The following METTL3 variants were observed in gnomAD, a reference collection of about 807,000 sequenced individuals.
METTL3 encodes N(6)-adenosine-methyltransferase catalytic subunit METTL3.
Under a neutral mutation model 64.3 loss-of-function variants are expected in METTL3, and 42 were observed. The ratio of observed to expected loss-of-function variants is 0.65; its 90% confidence interval spans 0.51 to 0.84. The LOEUF is 0.84. METTL3 is among the 40% of genes least tolerant of loss of function. The pLI is 0.00. For synonymous variants in METTL3, 256 were observed against 263.6 expected (o/e 0.97, Z 0.28); for missense variants, 435 against 722.3 (o/e 0.60, Z 4.56).
At position 21,511,127 on chromosome 14, in the gene METTL3, A is replaced by G; in HGVS notation, c.97T>C (p.Leu33=). 1 of 1,613,908 alleles carries G rather than the reference A, an allele frequency of 6.2e-7. No homozygotes were observed. The highest frequency in any genetic ancestry group is 1.1e-5 in the South Asian group (1 of 91,058). ...QRRRKQDSGH[L]DLRNPEAALS... The stretch of plus-strand genomic sequence containing the variant: ...CCCCAACAGCCCAGTGCCTCACCCA[A>G]GTGCCCCGAGTCCTGCTTCCGCCTC... The change falls in exon 1 of 11, where the codon TTG becomes CTG. Residue 33 remains leucine (L), a synonymous_variant. Transcript: ENST00000298717.
At chr14:21,507,184 AAAATAAAT>A (rs530857504) in intron 1 of METTL3, among the ~76,000 whole-genome samples, 5 of 152,026 alleles carry the variant, frequency 3.3e-5, no homozygotes, top group Admixed American at 6.6e-5. Flanking sequence ...TCTGTCTCAA[AAAATAAAT>A]AAATAAATAA....
intron 1 of METTL3, among the ~76,000 whole-genome samples, chr14:21,508,574 A>G (rs1260163505): frequency 6.6e-6 from 1 of 152,196 alleles, no homozygotes; most frequent in Non-Finnish European, 1.5e-5. Flanking sequence ...TCATTGAAAG[A>G]GTATGAATTT....
At position 21,500,354 on chromosome 14, in the gene METTL3, ACTCT is replaced by A. The variant is rs1566491130; in HGVS notation, c.1304+137_1304+140del. On this transcript the variant is annotated intron_variant, in intron 6 of 10. Coordinates refer to ENST00000298717, the MANE Select transcript of METTL3 (RefSeq NM_019852.5). ...ACTCCAGCCTAAGCAACACAGTGAG[ACTCT>A]CTCAAAAAAAAAGAAAAAAAGACTA... 5.4e-6 allele frequency: 4 copies of A among 744,578 alleles called. No homozygotes were observed. In the Admixed American group the frequency reaches 1.1e-4, roughly 21 times the overall value. 46.1% of individuals were successfully genotyped at this position (744,578 alleles called of 1,614,324 possible).
intron 1 of METTL3, among the ~76,000 whole-genome samples, chr14:21,505,532 T>C (rs1891676963): frequency 6.6e-6 from 1 of 152,204 alleles, no homozygotes; most frequent in African/African-American, 2.4e-5. Flanking sequence ...AAAATACCTT[T>C]TTTAAGGTTA....
chr14:21,508,474 A>T (rs1433697375), intron 1 of METTL3, among the ~76,000 whole-genome samples: 1 of 152,268 alleles, frequency 6.6e-6, no homozygotes, highest in African/African-American at 2.4e-5. Context: ...AGGTCTGCAT[A>T]CAGCAGAAAG....
In METTL3 at chr14:21,498,230, GGATTCTTA is replaced by G; in HGVS notation, c.*20_*27del. ...GTTTAGCTTACAGAGCCATGGCTAT[GGATTCTTA>G]GCTCTGTAAGGAAGTGCTTCTATAA... On this transcript the variant is annotated 3_prime_UTR_variant, in exon 11 of 11. Coordinates refer to ENST00000298717, the MANE Select transcript of METTL3 (RefSeq NM_019852.5). The G allele has an allele frequency of 7.7e-7, 1 of 1,294,178 alleles. No individual in the cohort carries two copies. Among genetic ancestry groups the G allele is most frequent in the Non-Finnish European group, 1.1e-6 (1 of 888,500 alleles). The allele number at this position is 1,294,178 out of a possible 1,614,324, so 80.2% of individuals were successfully genotyped here.
At chr14:21,508,031 G>A (rs923007539) in intron 1 of METTL3, 2 of 152,154 alleles carry the variant, frequency 1.3e-5, no homozygotes, top group Non-Finnish European at 2.9e-5. Flanking sequence ...AGGGTGGGAG[G>A]ATAGCTTGAG....
chr14:21,501,847 A>G lies in METTL3; in HGVS notation c.780T>C (p.Ile260=), dbSNP rs755842891. The part of the protein sequence containing the change: ...LNTTTAKEQS[I]VEKFRSRGRA... The stretch of plus-strand genomic sequence containing the variant: ...GACCTCGAGAGCGAAATTTTTCAAC[A>G]ATGGATTGTTCCTTGGCTGTTGTAG... The change falls in exon 4 of 11, where the codon ATT becomes ATC. Residue 260 remains isoleucine (I), a synonymous_variant. Transcript: ENST00000298717. 1 of 1,614,118 alleles carries G rather than the reference A, an allele frequency of 6.2e-7. No individual in the cohort carries two copies. Among genetic ancestry groups the G allele is most frequent in the South Asian group, 1.1e-5 (1 of 91,076 alleles).
chr14:21,502,044 A>G (rs977298458), intron 3 of METTL3, 141 bp from the exon 4 acceptor site: 26 of 662,624 alleles, frequency 3.9e-5, no homozygotes, highest in Non-Finnish European at 6.3e-5. Flanking sequence ...AAGAGATGGG[A>G]TCTTGCTGTC....
rs61194685 is a variant in METTL3, at chr14:21,504,775, C to CA, written c.101-895dup. The CA allele has an allele frequency of 2.7e-3, 364 of 135,162 alleles. 2 individuals are homozygous for CA. Among genetic ancestry groups the CA allele is most frequent in the Middle Eastern group, 8.1e-3 (2 of 248 alleles). 8.4% of individuals were successfully genotyped at this position (135,162 alleles called of 1,614,324 possible). A position where few individuals can be genotyped will look rare whatever the true frequency, so the allele number is the denominator to read the frequency against. ...GTGAAACCCCATCTCTACTAAAATACAAAAAAAAAAAAAATTTAGCTGGGG... is the reference window on the plus strand; with the variant it reads ...GTGAAACCCCATCTCTACTAAAATACAAAAAAAAAAAAAAATTTAGCTGGGG... On this transcript the variant is annotated intron_variant, in intron 1 of 10. Transcript: ENST00000298717.
rs774886368 is a variant in METTL3, at chr14:21,503,386, T to C, written c.510A>G (p.Ala170=). The C allele has an allele frequency of 1.2e-6, 2 of 1,614,168 alleles. No individual in the cohort carries two copies. Among genetic ancestry groups the C allele is most frequent in the South Asian group, 2.2e-5 (2 of 91,088 alleles). Residue 170 remains alanine (A), a synonymous_variant, in exon 3 of 11, where the codon GCA becomes GCG. Transcript: ENST00000298717. The stretch of plus-strand genomic sequence containing the variant: ...GCCGCTTCTGCCCTGTGACAGTCCC[T>C]GCTACCTCCCCAGGGCCCTTCTTTT... ...VAEKKGPGEV[A]GTVTGQKRRA... is the part of the protein sequence containing the mutation.
chr14:21,505,310 T>A (rs1255044952), intron 1 of METTL3, among the ~76,000 whole-genome samples: 2 of 152,188 alleles, frequency 1.3e-5, no homozygotes, highest in East Asian at 1.9e-4. Flanking sequence ...AGTGAGAAAA[T>A]TTTTAAGTGA....
At position 21,503,787 on chromosome 14, in the gene METTL3, T is replaced by C; in HGVS notation, c.195A>G (p.Thr65=). 1 of 1,614,256 alleles carries C rather than the reference T, an allele frequency of 6.2e-7. No homozygotes were observed. The highest frequency in any genetic ancestry group is 8.5e-7 in the Non-Finnish European group (1 of 1,180,054). Residue 65 remains threonine (T), a synonymous_variant, in exon 2 of 11, where the codon ACA becomes ACG. Coordinates refer to ENST00000298717, the MANE Select transcript of METTL3 (RefSeq NM_019852.5). The part of the protein sequence containing the change: ...APTSGGPKPS[T]ASAVPELATD... ...TAGCTAATTCAGGAACTGCTGAAGC[T>C]GTGCTGGGCTTAGGGCCACCAGAGG...
chr14:21,498,913 C>T, intron 10 of METTL3, 112 bp downstream of exon 10: 1 of 708,562 alleles, frequency 1.4e-6, no homozygotes, highest in Non-Finnish European at 2.5e-6. Flanking sequence ...CTTATGAATC[C>T]TGTGAAGCTC....
At chr14:21,500,144 G>A (rs1891523286) in intron 6 of METTL3, among the ~76,000 whole-genome samples, 2 of 152,152 alleles carry the variant, frequency 1.3e-5, no homozygotes, top group East Asian at 1.9e-4. Flanking sequence ...TGGATCACAA[G>A]GTCAGGAGAT....
chr14:21,499,158 G>A lies in METTL3; in HGVS notation c.1519-21C>T, dbSNP rs371287111. ...CGAACCTAGGAAATAAAAACTAGCT[G>A]CTTTTTAAGTTACACAAGATTGCAA... On this transcript the variant is annotated intron_variant, in intron 9 of 10. Coordinates refer to ENST00000298717, the MANE Select transcript of METTL3 (RefSeq NM_019852.5). The A allele has an allele frequency of 3.0e-5, 48 of 1,598,044 alleles. No homozygotes were observed. In the African/African-American group the frequency reaches 5.6e-4, roughly 19 times the overall value.
In METTL3 at chr14:21,503,216, C is replaced by T. The variant is rs768394711; in HGVS notation, c.680G>A (p.Ser227Asn). ...AASDVDLEIE[S>N]LLNQQSTKEQ... ...CTTAGTGGACTGTTGGTTCAGAAGG[C>T]TCTCTATCTCCAGATCAACATCTGA... The change falls in exon 3 of 11, where the codon AGC (serine) becomes AAC (asparagine). Residue 227 changes from serine (S) to asparagine (N), a missense_variant. Physicochemically the swap from Ser to Asn is conservative, Grantham distance 46 (BLOSUM62 1). Coordinates refer to ENST00000298717, the MANE Select transcript of METTL3 (RefSeq NM_019852.5). 6.8e-6 allele frequency: 11 copies of T among 1,613,780 alleles called. No homozygotes were observed. Among genetic ancestry groups the T allele is most frequent in the Non-Finnish European group, 9.3e-6 (11 of 1,179,904 alleles).
Position 21,511,246 on chromosome 14 carries a change from C to G in METTL3, c.-23G>C. On this transcript the variant is annotated 5_prime_UTR_variant, in exon 1 of 11. Transcript: ENST00000298717. ...CATCCTAGTCTCCCAGCCCTGACACCTCTCGAATAAGGCGCGGCGGACTAG... is the reference window on the plus strand; with the variant it reads ...CATCCTAGTCTCCCAGCCCTGACACGTCTCGAATAAGGCGCGGCGGACTAG... 1 of 1,609,496 alleles carries G rather than the reference C, an allele frequency of 6.2e-7. No individual in the cohort carries two copies. The highest frequency in any genetic ancestry group is 8.5e-7 in the Non-Finnish European group (1 of 1,178,044).
At chr14:21,508,001 TC>T (rs1202403869) in intron 1 of METTL3, 4 of 152,060 alleles carry the variant, frequency 2.6e-5, no homozygotes, top group African/African-American at 9.7e-5. Context: ...ACATCTGTAA[TC>T]CCAGCACTTT....
Sources: gnomAD v4.1 joint callset for allele counts (sites outside exome capture counted in the v4.1 genomes callset) on GRCh38, gnomAD v4.1.1 for gene constraint, MANE v1.5 for transcripts, NCBI Gene and HGNC (gene_info 2026-07-23, HGNC 2026-07-21) for gene names.